The following IRGM variants were observed in gnomAD, a reference collection of about 807,000 sequenced individuals.
IRGM encodes immunity related GTPase M.
For synonymous variants in IRGM, 98 were observed against 80.6 expected (o/e 1.22, Z -1.16); for missense variants, 288 against 219.9 (o/e 1.31, Z -1.96).
At chr5:150,861,603 T>G (rs1427320605) in intron 1 of IRGM, among the ~76,000 whole-genome samples, 1 of 152,186 alleles carries the variant, frequency 6.6e-6, no homozygotes, top group Non-Finnish European at 1.5e-5. Context: ...CTCTGTTCAT[T>G]GGATGTTGGG....
chr5:150,853,169 C>T (rs1412874171), downstream of IRGM, among the ~76,000 whole-genome samples: 1 of 151,968 alleles, frequency 6.6e-6, no homozygotes, highest in Non-Finnish European at 1.5e-5. Context: ...AAGGTTTTTT[C>T]TAATTTTTCT....
At chr5:150,893,633 A>G (rs1027520832) in intron 3 of IRGM, among the ~76,000 whole-genome samples, 5 of 152,176 alleles carry the variant, frequency 3.3e-5, no homozygotes, top group African/African-American at 1.2e-4. Flanking sequence ...TGATAAAAGA[A>G]TTATGCAAAA....
chr5:150,886,427 G>A (rs973630227), intron 3 of IRGM, among the ~76,000 whole-genome samples: 2 of 152,008 alleles, frequency 1.3e-5, no homozygotes, highest in Admixed American at 1.3e-4. Context: ...ATGAATTGGG[G>A]AGGAGTCCCT....
chr5:150,854,886 CCTTT>C (rs1270575838), intron 1 of IRGM, among the ~76,000 whole-genome samples: 1 of 151,990 alleles, frequency 6.6e-6, no homozygotes, highest in Non-Finnish European at 1.5e-5. Context: ...ATTATCTGCC[CCTTT>C]CTTCTCTTTC....
In IRGM at chr5:150,848,652, C is replaced by A. The variant is rs777611759; in HGVS notation, c.529C>A (p.Arg177=). 4.6e-6 allele frequency: 7 copies of A among 1,537,406 alleles called. No homozygotes were observed. Among genetic ancestry groups the A allele is most frequent in the African/African-American group, 1.4e-5 (1 of 72,800 alleles). ...TGTCCTGGAAAATCTCCAGAAGGAGCGGGTATGTGAATACTAATTCCTGTC... is the reference window on the plus strand; with the variant it reads ...TGTCCTGGAAAATCTCCAGAAGGAGAGGGTATGTGAATACTAATTCCTGTC... The part of the protein sequence containing the change: ...ENVLENLQKE[R]VCEY Residue 177 remains arginine (R), a synonymous_variant, in exon 2 of 2, where the codon CGG becomes AGG. Coordinates refer to ENST00000522154, the MANE Select transcript of IRGM (RefSeq NM_001145805.2).
chr5:150,876,583 G>A (rs1484856898), intron 1 of IRGM, among the ~76,000 whole-genome samples: 2 of 152,162 alleles, frequency 1.3e-5, no homozygotes, highest in African/African-American at 4.8e-5. Flanking sequence ...GTGAAGCTAA[G>A]GAAGAGTATG....
intron 3 of IRGM, chr5:150,895,933 G>GT: frequency 6.2e-7 from 1 of 1,613,424 alleles, no homozygotes; most frequent in Non-Finnish European, 8.5e-7. Flanking sequence ...CATTTGTAGG[G>GT]TTTCTCACCA....
In IRGM at chr5:150,848,049, C is replaced by T; in HGVS notation, c.-75C>T. On this transcript the variant is annotated 5_prime_UTR_variant, in exon 2 of 2. Coordinates refer to ENST00000522154, the MANE Select transcript of IRGM (RefSeq NM_001145805.2). ...ATCTCCTGACCTCGTGATCTGCTCGCCTCGGCCTTCCAAAGTGCTGGGATT... is the reference window on the plus strand; with the variant it reads ...ATCTCCTGACCTCGTGATCTGCTCGTCTCGGCCTTCCAAAGTGCTGGGATT... 1.7e-6 allele frequency: 2 copies of T among 1,187,468 alleles called. No individual in the cohort carries two copies. Among genetic ancestry groups the T allele is most frequent in the Non-Finnish European group, 2.3e-6 (2 of 852,304 alleles). 73.6% of individuals were successfully genotyped at this position (1,187,468 alleles called of 1,614,324 possible).
At chr5:150,872,781 C>G (rs1482673655) in intron 1 of IRGM, among the ~76,000 whole-genome samples, 1 of 152,114 alleles carries the variant, frequency 6.6e-6, no homozygotes, top group Non-Finnish European at 1.5e-5. Flanking sequence ...TGCCTAATCT[C>G]CCTTGGTGTA....
At chr5:150,896,842 G>A in intron 3 of IRGM, 1 of 1,613,700 alleles carries the variant, frequency 6.2e-7, no homozygotes, top group Non-Finnish European at 8.5e-7. Context: ...CTCTGCAGCT[G>A]ACCATCACCT....
chr5:150,873,068 C>A (rs1036046781), intron 1 of IRGM, among the ~76,000 whole-genome samples: 1 of 152,136 alleles, frequency 6.6e-6, no homozygotes, highest in Non-Finnish European at 1.5e-5. Flanking sequence ...AGCCAAGTGG[C>A]GGCACTCAAC....
At chr5:150,898,299 AC>A in intron 3 of IRGM, 1 of 1,588,964 alleles carries the variant, frequency 6.3e-7, no homozygotes, top group Non-Finnish European at 8.6e-7. Context: ...CAAAGGCATA[AC>A]CTCCATTTGC....
intron 1 of IRGM, among the ~76,000 whole-genome samples, chr5:150,861,244 GC>G (rs936075729): frequency 5.3e-5 from 8 of 152,166 alleles, no homozygotes; most frequent in Admixed American, 5.2e-4. Flanking sequence ...GTCATTTAGA[GC>G]CCTTTTGTAC....
At chr5:150,859,616 G>T (rs1014214617) in intron 1 of IRGM, among the ~76,000 whole-genome samples, 2 of 152,140 alleles carry the variant, frequency 1.3e-5, no homozygotes, top group Non-Finnish European at 1.5e-5. Flanking sequence ...CCTGTTATTG[G>T]TCTATTCAGA....
rs143024903 is a variant in IRGM, at chr5:150,876,922, T to C, written c.159-1058T>C. 1.8e-3 allele frequency among the ~76,000 whole-genome samples: 268 copies of C among 152,326 alleles called. 1 individual carries two copies. Among genetic ancestry groups the C allele is most frequent in the African/African-American group, 6.2e-3 (258 of 41,558 alleles). On this transcript the variant is annotated intron_variant and NMD_transcript_variant, in intron 1 of 3. Transcript: ENST00000520549. ...ACATGTTTGTGCATTTATACACTTG[T>C]ACTAAGAAAATATTTTATTTCCTTT...
At chr5:150,874,786 A>T (rs1463650456) in intron 1 of IRGM, among the ~76,000 whole-genome samples, 1 of 152,198 alleles carries the variant, frequency 6.6e-6, no homozygotes, top group Non-Finnish European at 1.5e-5. Flanking sequence ...GTGAATCACA[A>T]TGGAGGCCTC....
At chr5:150,899,627 A>G (rs1754923691) in intron 3 of IRGM, among the ~76,000 whole-genome samples, 1 of 152,112 alleles carries the variant, frequency 6.6e-6, no homozygotes, top group African/African-American at 2.4e-5. Flanking sequence ...TAAACTCAAC[A>G]AAAATGTACA....
At chr5:150,898,427 C>T (rs898379357) in intron 3 of IRGM, 2 of 1,613,410 alleles carry the variant, frequency 1.2e-6, no homozygotes, top group Non-Finnish European at 1.7e-6. Context: ...GCCATCCTTA[C>T]CCATTGAGAC....
chr5:150,880,624 T>C (rs1754430212), intron 3 of IRGM, among the ~76,000 whole-genome samples: 1 of 152,152 alleles, frequency 6.6e-6, no homozygotes, highest in African/African-American at 2.4e-5. Flanking sequence ...GCCCTCCCAA[T>C]GGGAACCCGC....
Sources: gnomAD v4.1 joint callset for allele counts (sites outside exome capture counted in the v4.1 genomes callset) on GRCh38, gnomAD v4.1.1 for gene constraint, MANE v1.5 for transcripts, NCBI Gene and HGNC (gene_info 2026-07-23, HGNC 2026-07-21) for gene names.